The following RCOR1 variants were observed in gnomAD, a reference collection of about 807,000 sequenced individuals.
The protein encoded by RCOR1 is REST corepressor.
Under a neutral mutation model 64.0 loss-of-function variants are expected in RCOR1, and 12 were observed. The ratio of observed to expected loss-of-function variants is 0.19; its 90% CI spans 0.12 to 0.30. RCOR1 has a LOEUF of 0.30. Ranked by LOEUF, RCOR1 falls within the 10% of genes least tolerant of loss-of-function variation. The probability of loss-of-function intolerance (pLI) is 1.00; values close to 1 mark genes in which losing one functional copy is unlikely to be tolerated. For synonymous variants in RCOR1, 279 were observed against 227.2 expected, an observed-to-expected ratio of 1.23 and a Z score of -2.05; for missense variants, 502 against 621.2, an observed-to-expected ratio of 0.81 and a Z score of 2.04.
chr14:102,676,396 A>G (rs1364957440), intron 2 of RCOR1, among the ~76,000 whole-genome samples: 28 of 109,446 alleles, frequency 2.6e-4, no homozygotes, highest in African/African-American at 4.6e-4. Flanking sequence ...GGGGCTCCTC[A>G]CTTCCCAGTA....
At chr14:102,617,590 T>C (rs1253033957) in intron 2 of RCOR1, among the ~76,000 whole-genome samples, 2 of 7,054 alleles carry the variant, frequency 2.8e-4, no homozygotes, top group African/African-American at 8.3e-4. Context: ...TCTCTTTCTT[T>C]TTTTTTTTTT....
intron 9 of RCOR1, 93 bp downstream of exon 9, chr14:102,721,177 T>C: frequency 9.6e-7 from 1 of 1,041,188 alleles, no homozygotes; most frequent in Non-Finnish European, 1.5e-6. Context: ...AGTATACATC[T>C]CTTGGAAGAG....
intron 2 of RCOR1, among the ~76,000 whole-genome samples, chr14:102,648,753 C>CT (rs1894524257): frequency 6.6e-6 from 1 of 152,182 alleles, no homozygotes; most frequent in South Asian, 2.1e-4. Flanking sequence ...GCTCTCGTCT[C>CT]TGACAGTGAG....
At chr14:102,641,685 A>G (rs927437621) in intron 2 of RCOR1, among the ~76,000 whole-genome samples, 1 of 152,128 alleles carries the variant, frequency 6.6e-6, no homozygotes, top group Admixed American at 6.5e-5. Context: ...TGGGGAAGTA[A>G]TTGCTGTTAA....
At chr14:102,655,184 C>G in intron 2 of RCOR1, 1 of 773,514 alleles carries the variant, frequency 1.3e-6, no homozygotes, top group Non-Finnish European at 1.5e-6. Flanking sequence ...GCATATGGTA[C>G]AAAATTAAAA....
chr14:102,717,606 C>T lies in RCOR1; in HGVS notation c.1053+2989C>T, dbSNP rs755662864. On this transcript the variant is annotated intron_variant, in intron 8 of 11. Coordinates refer to ENST00000262241, the MANE Select transcript of RCOR1 (RefSeq NM_015156.4). ...TCTGTTTGCACTGGAAGAACTGTCT[C>T]GGGCTGTGAGCTCTTGTTGACATTG... 4.6e-5 allele frequency among the ~76,000 whole-genome samples: 7 copies of T among 152,252 alleles called. 1 individual carries two copies. Among genetic ancestry groups the T allele is most frequent in the Middle Eastern group, 6.8e-3 (2 of 294 alleles).
intron 2 of RCOR1, among the ~76,000 whole-genome samples, chr14:102,602,930 T>G (rs1345628901): frequency 6.6e-6 from 1 of 152,146 alleles, no homozygotes; most frequent in Non-Finnish European, 1.5e-5. Flanking sequence ...GGTCTCCAAC[T>G]CCTGGGCTCA....
At position 102,721,350 on chromosome 14, in the gene RCOR1, A is replaced by G. The variant is rs1896164797; in HGVS notation, c.1162A>G (p.Thr388Ala). 1 of 1,613,716 alleles carries G rather than the reference A, an allele frequency of 6.2e-7. No homozygotes were observed. The highest frequency in any genetic ancestry group is 1.3e-5 in the African/African-American group (1 of 74,924). Reference protein sequence around the residue: ...VIQKCNARWTTEEQLLAVQAI... With the variant: ...VIQKCNARWTAEEQLLAVQAI... ...TCAGAAATGTAATGCACGTTGGACT[A>G]CAGAAGAGCAGCTTCTCGCCGTACA... Residue 388 changes from threonine to alanine, a missense_variant, in exon 10 of 12, where the codon ACA (threonine) becomes GCA (alanine). Thr to Ala is a moderately conservative substitution (Grantham distance 58). Transcript: ENST00000262241.
chr14:102,694,282 AGTCTT>A (rs1428106757), intron 3 of RCOR1, among the ~76,000 whole-genome samples: 1 of 152,070 alleles, frequency 6.6e-6, no homozygotes, highest in Non-Finnish European at 1.5e-5. Context: ...TTTGAGATGG[AGTCTT>A]GCTCTGTTGC....
At chr14:102,597,570 C>G (rs1893283231) in intron 2 of RCOR1, among the ~76,000 whole-genome samples, 1 of 149,954 alleles carries the variant, frequency 6.7e-6, no homozygotes, top group Admixed American at 6.7e-5. Context: ...CTCAGGTGAT[C>G]CACCCACCTT....
chr14:102,621,821 A>G (rs1341011312), intron 2 of RCOR1, among the ~76,000 whole-genome samples: 2 of 152,134 alleles, frequency 1.3e-5, no homozygotes, highest in Non-Finnish European at 2.9e-5. Context: ...GCCCTCCTAC[A>G]TTGATACAGA....
At chr14:102,631,113 A>G (rs1894102476) in intron 2 of RCOR1, among the ~76,000 whole-genome samples, 1 of 151,962 alleles carries the variant, frequency 6.6e-6, no homozygotes, top group African/African-American at 2.4e-5. Context: ...CATTTCCCCG[A>G]TGACTTTGTG....
Position 102,730,466 on chromosome 14 carries a change from G to A in RCOR1, c.*3960G>A, listed in dbSNP as rs918454287. Reference sequence around the variant, plus strand: ...ATGATAACATTTGTTAGTGGAAATTGGAAAATTTATTTGTGAAATTCTGCA... The same window carrying A: ...ATGATAACATTTGTTAGTGGAAATTAGAAAATTTATTTGTGAAATTCTGCA... On this transcript the variant is annotated 3_prime_UTR_variant, in exon 12 of 12. Coordinates refer to ENST00000262241, the MANE Select transcript of RCOR1 (RefSeq NM_015156.4). The A allele has an allele frequency of 6.5e-6, 1 of 153,866 alleles. No homozygotes were observed. The highest frequency in any genetic ancestry group is 1.4e-5 in the Non-Finnish European group (1 of 68,972). 9.5% of individuals were successfully genotyped at this position (153,866 alleles called of 1,614,324 possible).
At chr14:102,683,963 C>T (rs908691761) in intron 3 of RCOR1, among the ~76,000 whole-genome samples, 10 of 152,192 alleles carry the variant, frequency 6.6e-5, no homozygotes, top group African/African-American at 1.9e-4. Context: ...CGCCTGGGTG[C>T]GCCGTGACCT....
intron 6 of RCOR1, among the ~76,000 whole-genome samples, chr14:102,709,639 G>T (rs1355091276): frequency 6.6e-6 from 1 of 152,240 alleles, no homozygotes; most frequent in South Asian, 2.1e-4. Flanking sequence ...TCTTTTAATT[G>T]TAAGAGCCTA....
At chr14:102,663,099 A>G (rs1016801104) in intron 2 of RCOR1, among the ~76,000 whole-genome samples, 1 of 152,138 alleles carries the variant, frequency 6.6e-6, no homozygotes, top group Non-Finnish European at 1.5e-5. Flanking sequence ...CTTGCTAGCA[A>G]ATGAGTCTCA....
chr14:102,701,900 G>A (rs1010583599), intron 4 of RCOR1, among the ~76,000 whole-genome samples: 29 of 152,214 alleles, frequency 1.9e-4, no homozygotes, highest in Admixed American at 1.8e-3. Flanking sequence ...GCTAATTTTT[G>A]TATTTTTAGT....
chr14:102,607,875 C>G (rs1032927129), intron 2 of RCOR1, among the ~76,000 whole-genome samples: 2 of 152,004 alleles, frequency 1.3e-5, no homozygotes, highest in African/African-American at 4.8e-5. Flanking sequence ...GAGCGAGACT[C>G]TGTCTCAAGA....
chr14:102,697,088 C>G (rs1885865936), intron 3 of RCOR1, among the ~76,000 whole-genome samples: 1 of 152,134 alleles, frequency 6.6e-6, no homozygotes, highest in Admixed American at 6.5e-5. Context: ...TTATGTAGAG[C>G]AGGAATACAG....
Sources: allele counts gnomAD v4.1 joint callset (sites outside exome capture counted in the v4.1 genomes callset), GRCh38; gene constraint gnomAD v4.1.1; transcripts MANE v1.5; gene names NCBI Gene and HGNC (gene_info 2026-07-23, HGNC 2026-07-21).